Variants in ARID5B observed in about 807,000 individuals in gnomAD.
ARID5B encodes AT-rich interaction domain 5B, also known as AT-rich interactive domain-containing protein 5B.
Under a neutral mutation model 97.2 loss-of-function variants are expected in ARID5B, and 13 were observed. The ratio of observed to expected loss-of-function variants is 0.13; its 90% CI spans 0.09 to 0.21. The LOEUF is 0.21. Ranked by LOEUF, ARID5B falls within the 10% of genes least tolerant of loss-of-function variation. The pLI is 1.00. For missense variants in ARID5B, 1,210 were observed against 1,465.3 expected (o/e 0.83, Z 2.84); for synonymous variants, 556 against 570.3 (o/e 0.97, Z 0.36).
chr10:62,080,604 A>G lies in ARID5B; in HGVS notation c.1200-5098A>G, dbSNP rs1268267195. 3.3e-5 allele frequency among the ~76,000 whole-genome samples: 5 copies of G among 152,182 alleles called. No homozygotes were observed. In the East Asian group the frequency reaches 9.6e-4, roughly 29 times the overall value. On this transcript the variant is annotated intron_variant, in intron 8 of 9. Transcript: ENST00000279873. ...CTTCTATTGGCTCCATATTTGGTGA[A>G]AGATTCCTTCCCATACTTCACAGTA...
At chr10:62,052,294 T>A (rs1839800632) in intron 5 of ARID5B, among the ~76,000 whole-genome samples, 1 of 152,226 alleles carries the variant, frequency 6.6e-6, no homozygotes, top group Admixed American at 6.5e-5. Flanking sequence ...GCCCTAGAAC[T>A]ATCTACCTAG....
chr10:62,060,724 G>A (rs1335160102), intron 7 of ARID5B, among the ~76,000 whole-genome samples: 1 of 152,150 alleles, frequency 6.6e-6, no homozygotes, highest in Non-Finnish European at 1.5e-5. Context: ...TTCAAGTCTA[G>A]CTTTTAATGT....
intron 3 of ARID5B, among the ~76,000 whole-genome samples, chr10:61,943,478 C>CA (rs372343365): frequency 0.026 from 3,934 of 149,944 alleles, 155 homozygotes; most frequent in African/African-American, 0.092. Context: ...AGGCCCCCCC[C>CA]CTTTTTTTCT....
At chr10:61,915,753 T>G (rs1017064880) in intron 2 of ARID5B, among the ~76,000 whole-genome samples, 1 of 152,154 alleles carries the variant, frequency 6.6e-6, no homozygotes, top group African/African-American at 2.4e-5. Flanking sequence ...GTTTGTTTGT[T>G]TTTTGTTTGT....
chr10:61,925,695 T>C (rs1403324037), intron 2 of ARID5B, among the ~76,000 whole-genome samples: 1 of 152,190 alleles, frequency 6.6e-6, no homozygotes, highest in Non-Finnish European at 1.5e-5. Flanking sequence ...CAGGGAATTA[T>C]GAGAGGGTGT....
At chr10:62,067,205 A>G (rs373864443) in intron 7 of ARID5B, among the ~76,000 whole-genome samples, 1 of 151,902 alleles carries the variant, frequency 6.6e-6, no homozygotes, top group African/African-American at 2.4e-5. Context: ...CTGCCTCAGC[A>G]TCCCGAGTAG....
chr10:62,076,704 G>A lies in ARID5B; in HGVS notation c.1199+6907G>A, dbSNP rs114594694. On this transcript the variant is annotated intron_variant, in intron 8 of 9. Transcript: ENST00000279873. ...TCTGGAAAATGTGTATAAAAAGGTAGGGGCTGTCAGGAAAGTCCTAAGGCT... is the reference window on the plus strand; with the variant it reads ...TCTGGAAAATGTGTATAAAAAGGTAAGGGCTGTCAGGAAAGTCCTAAGGCT... Among the ~76,000 whole-genome samples the A allele has an allele frequency of 5.3e-3, 807 of 152,182 alleles. 7 individuals are homozygous for A. The highest frequency in any genetic ancestry group is 0.019 in the African/African-American group (773 of 41,508).
intron 3 of ARID5B, among the ~76,000 whole-genome samples, chr10:61,983,972 C>T (rs1838813734): frequency 2.1e-5 from 1 of 47,556 alleles, no homozygotes; most frequent in African/African-American, 7.3e-5. Context: ...ACTGCAAGCT[C>T]CGCTTCCCGG....
At position 62,093,943 on chromosome 10, in the gene ARID5B, T is replaced by A. The variant is rs1840427593; in HGVS notation, c.*913T>A. ...TTTTGTTCCTCATAAATGGCATAGTTGAAAGAGCTTATACACTGCTTACCC... is the reference window on the plus strand; with the variant it reads ...TTTTGTTCCTCATAAATGGCATAGTAGAAAGAGCTTATACACTGCTTACCC... On this transcript the variant is annotated 3_prime_UTR_variant, in exon 10 of 10. Transcript: ENST00000279873. 1 of 233,588 alleles carries A rather than the reference T, an allele frequency of 4.3e-6. No homozygotes were observed. 14.5% of individuals were successfully genotyped at this position (233,588 alleles called of 1,614,324 possible).
intron 3 of ARID5B, among the ~76,000 whole-genome samples, chr10:61,987,320 A>G (rs1296909088): frequency 1.3e-5 from 2 of 152,206 alleles, no homozygotes; most frequent in Non-Finnish European, 1.5e-5. Flanking sequence ...AAGAACCAAC[A>G]TTAATTAAAA....
chr10:61,958,352 G>A (rs963568384), intron 3 of ARID5B, among the ~76,000 whole-genome samples: 7 of 151,882 alleles, frequency 4.6e-5, no homozygotes, highest in South Asian at 2.1e-4. Flanking sequence ...CCTCAGCCTC[G>A]CAAATAGCTG....
intron 8 of ARID5B, among the ~76,000 whole-genome samples, chr10:62,072,902 A>G (rs75478467): frequency 6.6e-6 from 1 of 152,240 alleles, no homozygotes; most frequent in Admixed American, 6.5e-5. Context: ...ATGCACATAT[A>G]TCCAAGAAGA....
chr10:61,908,579 A>G (rs1021184898), intron 2 of ARID5B, among the ~76,000 whole-genome samples: 1 of 152,110 alleles, frequency 6.6e-6, no homozygotes, highest in Non-Finnish European at 1.5e-5. Flanking sequence ...AGGCCGAGGC[A>G]GGCAGATCAC....
At chr10:62,003,022 A>C (rs1839100638) in intron 4 of ARID5B, among the ~76,000 whole-genome samples, 1 of 152,250 alleles carries the variant, frequency 6.6e-6, no homozygotes, top group African/African-American at 2.4e-5. Context: ...CATGAAATTC[A>C]TAAATTGCTG....
intron 4 of ARID5B, among the ~76,000 whole-genome samples, chr10:62,046,065 C>T (rs1839704160): frequency 6.6e-6 from 1 of 152,076 alleles, no homozygotes; most frequent in Admixed American, 6.6e-5. Flanking sequence ...AAGAATTTCT[C>T]GAGAGAATAT....
chr10:61,915,931 T>A (rs1052358273), intron 2 of ARID5B, among the ~76,000 whole-genome samples: 1 of 152,208 alleles, frequency 6.6e-6, no homozygotes, highest in Non-Finnish European at 1.5e-5. Flanking sequence ...AATTTTTGTA[T>A]TTCTAGTAGA....
chr10:62,084,133 A>T (rs1047865168), intron 8 of ARID5B, among the ~76,000 whole-genome samples: 1 of 152,200 alleles, frequency 6.6e-6, no homozygotes, highest in Non-Finnish European at 1.5e-5. Flanking sequence ...TGGCTGGCCA[A>T]CTGCCAGATG....
intron 2 of ARID5B, among the ~76,000 whole-genome samples, chr10:61,915,336 A>T (rs1162841669): frequency 2.0e-5 from 3 of 152,190 alleles, no homozygotes; most frequent in Non-Finnish European, 4.4e-5. Context: ...ACAAAGGGTG[A>T]TTCTGTGATG....
At chr10:62,005,796 T>C (rs1245726616) in intron 4 of ARID5B, among the ~76,000 whole-genome samples, 1 of 152,204 alleles carries the variant, frequency 6.6e-6, no homozygotes, top group Non-Finnish European at 1.5e-5. Flanking sequence ...ACATCACATG[T>C]TTTGCTGGAA....
Sources: allele counts gnomAD v4.1 joint callset (sites outside exome capture counted in the v4.1 genomes callset), GRCh38; gene constraint gnomAD v4.1.1; transcripts MANE v1.5; gene names NCBI Gene and HGNC (gene_info 2026-07-23, HGNC 2026-07-21).